Variants in ATAD3C observed in about 807,000 individuals in gnomAD.
The protein encoded by ATAD3C is ATPase family AAA domain-containing protein 3C.
Under a neutral mutation model 46.3 loss-of-function variants are expected in ATAD3C, and 38 were observed. The observed-to-expected ratio is 0.82, with a 90% CI of 0.63 to 1.08. The LOEUF (loss-of-function observed/expected upper bound fraction) is 1.08, where lower values mean the gene tolerates loss of function less well. ATAD3C is among the 50% of genes least tolerant of loss of function. The probability of loss-of-function intolerance (pLI) is 0.00; values close to 1 mark genes in which losing one functional copy is unlikely to be tolerated. For missense variants in ATAD3C, 563 were observed against 572.7 expected, an observed-to-expected ratio of 0.98 and a Z score of 0.17; for synonymous variants, 220 against 236.4, an observed-to-expected ratio of 0.93 and a Z score of 0.63.
rs534598086 is a variant in ATAD3C at position 1,468,549 on chromosome 1, C to A, written c.*19C>A. The A allele has an allele frequency of 7.9e-5, 126 of 1,591,308 alleles. 3 individuals are homozygous for A. The highest frequency in any genetic ancestry group is 6.7e-4 in the Middle Eastern group (4 of 5,938). On this transcript the variant is annotated 3_prime_UTR_variant, in exon 12 of 12. Coordinates refer to ENST00000378785, the MANE Select transcript of ATAD3C (RefSeq NM_001039211.3). ...ATCCTGAGTCCATGGGGAGACCACA[C>A]CTCACGGAGCCTGGCCGCGGACCCC...
In ATAD3C at chr1:1,455,304, C is replaced by T. The variant is rs373371805; in HGVS notation, c.379-156C>T. 3.9e-4 allele frequency among the ~76,000 whole-genome samples: 59 copies of T among 151,654 alleles called. No individual in the cohort carries two copies. The East Asian group carries it at 8.5e-3, about 22-fold the overall frequency. ...ATGCCCCCAATCCCTGCAACAGACA[C>T]CCAGTCTCCCGGCGGGGCGGGGTTC... is the stretch of plus-strand genomic sequence containing the variant. On this transcript the variant is annotated intron_variant, in intron 4 of 11. Transcript: ENST00000378785.
rs1422632346 is a variant in ATAD3C at position 1,462,960 on chromosome 1, T to C, written c.1089+252T>C. Among the ~76,000 whole-genome samples the C allele has an allele frequency of 1.3e-5, 2 of 152,098 alleles. No homozygotes were observed. Among genetic ancestry groups the C allele is most frequent in the African/African-American group, 4.8e-5 (2 of 41,450 alleles). On this transcript the variant is annotated intron_variant, in intron 11 of 11. Coordinates refer to ENST00000378785, the MANE Select transcript of ATAD3C (RefSeq NM_001039211.3). This position sits in a 1 kb window ranked among gnomAD's most constrained non-coding sequence, Gnocchi z 4.5. ...AGGTCAGGAAGCCAGTGCGGCCTCC[T>C]AGTAGCCCGGGCTCTGCCAGGTGGG...
intron 6 of ATAD3C, 70 bp downstream of exon 6, chr1:1,455,986 G>A: frequency 6.2e-7 from 1 of 1,601,184 alleles, no homozygotes; most frequent in Admixed American, 1.8e-5. Flanking sequence ...GTGTCTGGGG[G>A]GCTCAGCTGC....
chr1:1,460,432 G>A (rs1408039202), intron 9 of ATAD3C, among the ~76,000 whole-genome samples: 2 of 152,006 alleles, frequency 1.3e-5, no homozygotes, highest in African/African-American at 2.4e-5. Flanking sequence ...CCTGCTCCCA[G>A]CACAGCGGGG....
chr1:1,455,686 G>T, intron 5 of ATAD3C, 105 bp from the exon 6 acceptor site: 2 of 1,564,150 alleles, frequency 1.3e-6, no homozygotes, highest in Non-Finnish European at 8.7e-7. Flanking sequence ...GAGCTGGGTG[G>T]CTCCCCGGAG....
At position 1,450,373 on chromosome 1, in the gene ATAD3C, G is replaced by T. The variant is rs1431515207; in HGVS notation, c.-311G>T. The T allele has an allele frequency of 6.3e-6, 2 of 316,524 alleles. No individual in the cohort carries two copies. The highest frequency in any genetic ancestry group is 2.1e-5 in the African/African-American group (1 of 46,690). The allele number at this position is 316,524 out of a possible 1,614,324, so 19.6% of individuals were successfully genotyped here. A position where few individuals can be genotyped will look rare whatever the true frequency, so the allele number is the denominator to read the frequency against. ...GTAACGTGAAAAAATGGACACTTTA[G>T]CCATCGCCTGACTTTCTGTTGAATT... On this transcript the variant is annotated 5_prime_UTR_variant, in exon 1 of 12. An upstream open reading frame in the 5' UTR loses its in-frame stop. Transcript: ENST00000378785.
chr1:1,461,561 G>A (rs1639064753), intron 10 of ATAD3C, among the ~76,000 whole-genome samples: 1 of 150,520 alleles, frequency 6.6e-6, no homozygotes, highest in African/African-American at 2.5e-5. Context: ...GACCCTGGCA[G>A]TGAGGGGAGG....
chr1:1,461,612 G>A (rs1300254608), intron 10 of ATAD3C, among the ~76,000 whole-genome samples: 7 of 152,100 alleles, frequency 4.6e-5, no homozygotes, highest in Non-Finnish European at 7.4e-5. Flanking sequence ...GTCGGAATTC[G>A]AAGGAGAGTC....
chr1:1,461,681 T>TCGG (rs1553199334), intron 10 of ATAD3C, among the ~76,000 whole-genome samples: 3 of 150,878 alleles, frequency 2.0e-5, no homozygotes, highest in African/African-American at 4.9e-5. Flanking sequence ...GACCCCCATG[T>TCGG]AGGGACTGGA....
At chr1:1,451,512 A>T (rs970739632) in intron 1 of ATAD3C, among the ~76,000 whole-genome samples, 4 of 151,648 alleles carry the variant, frequency 2.6e-5, no homozygotes, top group African/African-American at 9.7e-5. Context: ...ATACTCGGCT[A>T]ATTTTTGTAT....
rs1211422784 is a variant in ATAD3C, at chr1:1,461,030, C to T, written c.980+113C>T. 3.8e-6 allele frequency: 5 copies of T among 1,331,038 alleles called. No homozygotes were observed. The African/African-American group carries it at 4.5e-5, about 12-fold the overall frequency. The allele number at this position is 1,331,038 out of a possible 1,614,324, so 82.5% of individuals were successfully genotyped here. Reference sequence around the variant, plus strand: ...CCTGTCTCCAGGATGGGCACCACCTCCCTGCCCTGCGGTTTCGTGCAGGAG... The same window carrying T: ...CCTGTCTCCAGGATGGGCACCACCTTCCTGCCCTGCGGTTTCGTGCAGGAG... On this transcript the variant is annotated intron_variant, in intron 10 of 11. Transcript: ENST00000378785.
chr1:1,455,667 G>T (rs1638946764), intron 5 of ATAD3C, 124 bp from the exon 6 acceptor site: 1 of 1,557,480 alleles, frequency 6.4e-7, no homozygotes, highest in African/African-American at 1.4e-5. Context: ...GGATAGATAG[G>T]CTGCCCACGA....
Position 1,455,453 on chromosome 1 carries a change from C to T in ATAD3C, c.379-7C>T. On this transcript the variant is annotated splice_polypyrimidine_tract_variant and splice_region_variant and intron_variant, in intron 4 of 11. Coordinates refer to ENST00000378785, the MANE Select transcript of ATAD3C (RefSeq NM_001039211.3). ...GTGACCCAATGGTGCTTCCCCTTCC[C>T]CTCCAGCAGGTCAGCCGGCGGCTCC... 1 of 1,611,758 alleles carries T rather than the reference C, an allele frequency of 6.2e-7. No homozygotes were observed. The highest frequency in any genetic ancestry group is 8.5e-7 in the Non-Finnish European group (1 of 1,179,120).
At chr1:1,450,941 C>T (rs1255064304) in intron 1 of ATAD3C, among the ~76,000 whole-genome samples, 183 bp downstream of exon 1, 1 of 151,756 alleles carries the variant, frequency 6.6e-6, no homozygotes, top group Non-Finnish European at 1.5e-5. Flanking sequence ...GACGCTGCCG[C>T]AGAGCCGCCC....
intron 11 of ATAD3C, among the ~76,000 whole-genome samples, chr1:1,466,933 A>C (rs1007510286): frequency 2.0e-5 from 3 of 151,960 alleles, no homozygotes; most frequent in African/African-American, 7.2e-5. Context: ...AGTGGTACTG[A>C]TTCTTCTTAA....
In ATAD3C at chr1:1,460,910, G is replaced by A. The variant is rs1639050572; in HGVS notation, c.973G>A (p.Gly325Arg). ...NEYVLKPATE[G>R]KRRLKLAQFD... is the part of the protein sequence containing the mutation. ...GTATGTTCTTAAGCCGGCCACAGAA[G>A]GAAAGCGGTAAGTGTCCCGCCCCAC... The change falls in exon 10 of 12, where the codon GGA becomes AGA. Residue 325 changes from glycine to arginine, a missense_variant. Transcript: ENST00000378785. 7 of 1,607,680 alleles carry A rather than the reference G, an allele frequency of 4.4e-6. No homozygotes were observed. The highest frequency in any genetic ancestry group is 5.9e-6 in the Non-Finnish European group (7 of 1,176,528).
Position 1,454,505 on chromosome 1 carries a change from C to T in ATAD3C, c.378+5C>T, listed in dbSNP as rs759441194. ...GCGCTGCGGCACCCCATCCAGGTAG[C>T]GGCGCAGGCCTGGCCCTCCCTGAGT... On this transcript the variant is annotated splice_donor_5th_base_variant and intron_variant, in intron 4 of 11. Transcript: ENST00000378785. 1.3e-5 allele frequency: 21 copies of T among 1,605,872 alleles called. No individual in the cohort carries two copies. The highest frequency in any genetic ancestry group is 2.2e-4 in the Middle Eastern group (1 of 4,476).
At chr1:1,452,192 T>C (rs987243035) in intron 2 of ATAD3C, 70 bp downstream of exon 2, 2 of 1,593,732 alleles carry the variant, frequency 1.3e-6, no homozygotes, top group East Asian at 2.2e-5. Context: ...GGTCCCAGGG[T>C]GCTCTCCAGC....
intron 11 of ATAD3C, among the ~76,000 whole-genome samples, chr1:1,466,605 G>A (rs1570160732): frequency 1.3e-5 from 2 of 151,188 alleles, no homozygotes; most frequent in Admixed American, 6.6e-5. Context: ...AGGGTCATGT[G>A]GTTTCCTTCC....
Sources: gnomAD v4.1 joint callset for allele counts (sites outside exome capture counted in the v4.1 genomes callset) on GRCh38, gnomAD v4.1.1 for gene constraint, Gnocchi (gnomAD v3.1) non-coding constraint, MANE v1.5 for transcripts, NCBI Gene and HGNC (gene_info 2026-07-23, HGNC 2026-07-21) for gene names.